PITPNM3: variants seen among roughly 807,000 people sequenced by gnomAD.
PITPNM3 encodes PITPNM family member 3, also known as membrane-associated phosphatidylinositol transfer protein 3.
In PITPNM3, 26 loss-of-function variants were observed where a neutral mutation model predicts 102.0. That is an observed-to-expected ratio of 0.25 (90% CI 0.19 to 0.35). PITPNM3 has a LOEUF of 0.35. Ranked by LOEUF, PITPNM3 falls within the 10% of genes least tolerant of loss-of-function variation. The probability of loss-of-function intolerance (pLI) is 1.00; values close to 1 mark genes in which losing one functional copy is unlikely to be tolerated. For synonymous variants in PITPNM3, 578 were observed against 558.6 expected (o/e 1.03, Z -0.49); for missense variants, 1,083 against 1,346.1 (o/e 0.80, Z 3.06).
rs186668562 is a variant in PITPNM3 at position 6,528,965 on chromosome 17, G to A, written c.119-3502C>T. 7.2e-5 allele frequency among the ~76,000 whole-genome samples: 11 copies of A among 152,282 alleles called. No individual in the cohort carries two copies. In the East Asian group the frequency reaches 1.2e-3, roughly 16 times the overall value. The stretch of plus-strand genomic sequence containing the variant: ...CAACAGGACCTGTGGAGGCCACAGC[G>A]TGCTCATTTGTATAAACGCCCTGGT... On this transcript the variant is annotated intron_variant, in intron 2 of 19. Coordinates refer to ENST00000262483, the MANE Select transcript of PITPNM3 (RefSeq NM_031220.4).
At chr17:6,547,713 G>A (rs1231130798) in intron 1 of PITPNM3, among the ~76,000 whole-genome samples, 3 of 151,990 alleles carry the variant, frequency 2.0e-5, no homozygotes, top group East Asian at 1.9e-4. Context: ...CTCAAAGGAC[G>A]CTGGGGTCTC....
At chr17:6,487,332 G>A (rs960916159) in intron 4 of PITPNM3, among the ~76,000 whole-genome samples, 4 of 152,156 alleles carry the variant, frequency 2.6e-5, no homozygotes, top group Admixed American at 1.3e-4. Context: ...TATGCATAAA[G>A]GGCTTAGAGC....
chr17:6,471,790 C>G (rs1376712324), intron 11 of PITPNM3, among the ~76,000 whole-genome samples: 1 of 152,122 alleles, frequency 6.6e-6, no homozygotes, highest in Non-Finnish European at 1.5e-5. Context: ...GGGACTCCAG[C>G]CTGAGAGCTA....
chr17:6,458,973 A>G lies in PITPNM3; in HGVS notation c.2491-1251T>C, dbSNP rs1014402423. On this transcript the variant is annotated intron_variant, in intron 18 of 19. Coordinates refer to ENST00000262483, the MANE Select transcript of PITPNM3 (RefSeq NM_031220.4). This position sits in a 1 kb window ranked among gnomAD's most constrained non-coding sequence, Gnocchi z 5.1. ...AGGTGACTGCCTTCGATGCTGGACC[A>G]AGGAGAGGGCTTCCTCAGCCCACTG... is the stretch of plus-strand genomic sequence containing the variant. Among the ~76,000 whole-genome samples the G allele has an allele frequency of 6.6e-5, 10 of 151,974 alleles. No homozygotes were observed. The highest frequency in any genetic ancestry group is 2.2e-4 in the African/African-American group (9 of 41,368).
rs567991803 is a variant in PITPNM3, at chr17:6,527,647, T to C, written c.119-2184A>G. On this transcript the variant is annotated intron_variant, in intron 2 of 19. Coordinates refer to ENST00000262483, the MANE Select transcript of PITPNM3 (RefSeq NM_031220.4). ...TGAGTTCTTTGTCTCCTGGTTCAGT[T>C]ACTCAAGCATGGAGCTATCCATTTG... is the stretch of plus-strand genomic sequence containing the variant. Among the ~76,000 whole-genome samples, 4 of 152,346 alleles carry C rather than the reference T, an allele frequency of 2.6e-5. No homozygotes were observed. The East Asian group carries it at 7.7e-4, about 29-fold the overall frequency.
chr17:6,460,674 TA>T (rs1904395222), intron 18 of PITPNM3: 1 of 152,612 alleles, frequency 6.6e-6, no homozygotes, highest in African/African-American at 2.4e-5. Context: ...TTTGAAAGTG[TA>T]AAAACCATTC....
chr17:6,482,615 T>C (rs984937634), intron 6 of PITPNM3, among the ~76,000 whole-genome samples: 2 of 152,092 alleles, frequency 1.3e-5, no homozygotes, highest in African/African-American at 4.8e-5. Flanking sequence ...TGGGGCATGG[T>C]ATCGGTGTCA....
intron 6 of PITPNM3, among the ~76,000 whole-genome samples, chr17:6,482,721 C>G (rs1242792537): frequency 6.6e-6 from 1 of 152,176 alleles, no homozygotes; most frequent in Non-Finnish European, 1.5e-5. Context: ...GGAGGGCACC[C>G]AGCTGGTGTC....
chr17:6,499,509 A>G (rs1024978800), intron 4 of PITPNM3, among the ~76,000 whole-genome samples: 1 of 152,168 alleles, frequency 6.6e-6, no homozygotes, highest in Admixed American at 6.5e-5. Flanking sequence ...AGAGCGCCAG[A>G]AAGACTGAGC....
rs570093695 is a variant in PITPNM3, at chr17:6,502,655, G to A, written c.274+872C>T. 3.3e-5 allele frequency among the ~76,000 whole-genome samples: 5 copies of A among 152,260 alleles called. No individual in the cohort carries two copies. In the East Asian group the frequency reaches 9.7e-4, roughly 29 times the overall value. ...AGAGTGGACTGGGTCCCCCAAAGCT[G>A]CAACCATAGATCAAAGGAGCAGGAG... On this transcript the variant is annotated intron_variant, in intron 4 of 19. Transcript: ENST00000262483.
At position 6,459,349 on chromosome 17, in the gene PITPNM3, C is replaced by A. The variant is rs548450574; in HGVS notation, c.2491-1627G>T. Among the ~76,000 whole-genome samples, 2 of 152,186 alleles carry A rather than the reference C, an allele frequency of 1.3e-5. No individual in the cohort carries two copies. The highest frequency in any genetic ancestry group is 3.9e-4 in the East Asian group (2 of 5,170). On this transcript the variant is annotated intron_variant, in intron 18 of 19. Transcript: ENST00000262483. This position sits in a 1 kb window ranked among gnomAD's most constrained non-coding sequence, Gnocchi z 5.0. ...CCTCTCCTCCCGATACCTGGAGTCT[C>A]GTCTCTCTCTCCTGGTCCTCCTCCC...
In PITPNM3 at chr17:6,532,731, G is replaced by C. The variant is rs943105042; in HGVS notation, c.118+5256C>G. ...ACTGATGCTCATTTGGGCGTTTTCA[G>C]TGTGGGGCTATAATCCATCAAGCTG... On this transcript the variant is annotated intron_variant, in intron 2 of 19. Transcript: ENST00000262483. Among the ~76,000 whole-genome samples, 5 of 152,192 alleles carry C rather than the reference G, an allele frequency of 3.3e-5. No individual in the cohort carries two copies. The South Asian group carries it at 1.0e-3, about 32-fold the overall frequency.
chr17:6,477,435 G>A (rs1173177123), intron 8 of PITPNM3, among the ~76,000 whole-genome samples: 3 of 152,216 alleles, frequency 2.0e-5, no homozygotes, highest in Admixed American at 6.5e-5. Flanking sequence ...CTGGGATGCT[G>A]GATGGCTGTC....
chr17:6,519,059 C>T (rs368051562), intron 3 of PITPNM3, among the ~76,000 whole-genome samples: 1 of 151,998 alleles, frequency 6.6e-6, no homozygotes, highest in East Asian at 1.9e-4. Context: ...ATTTGTAGGC[C>T]GGGCATGGTG....
rs769088740 is a variant in PITPNM3 at position 6,455,378 on chromosome 17, C to T, written c.2885G>A (p.Ser962Asn). ...GAACTTGGGGGGCCCACGCGCCCAG[C>T]TGAGCGCCGGCAGCGGCCGCTCGTG... is the stretch of plus-strand genomic sequence containing the variant. Reference protein sequence around the residue: ...KDHERPLPALSWARGPPKFES... With the variant: ...KDHERPLPALNWARGPPKFES... The change falls in exon 20 of 20, where the codon AGC becomes AAC. Residue 962 changes from serine to asparagine, a missense_variant. Around this residue, in one of 5 missense-constraint regions of PITPNM3, gnomAD observed 208 missense variants for 178.2 expected, o/e 1.17. Coordinates refer to ENST00000262483, the MANE Select transcript of PITPNM3 (RefSeq NM_031220.4). 49 of 1,590,858 alleles carry T rather than the reference C, an allele frequency of 3.1e-5. No homozygotes were observed. Among genetic ancestry groups the T allele is most frequent in the Non-Finnish European group, 4.1e-5 (48 of 1,170,074 alleles).
chr17:6,516,918 A>G (rs1908223748), intron 3 of PITPNM3, among the ~76,000 whole-genome samples: 1 of 152,216 alleles, frequency 6.6e-6, no homozygotes, highest in Non-Finnish European at 1.5e-5. Context: ...CTTCAGGAAG[A>G]GTAAAAACCA....
intron 6 of PITPNM3, chr17:6,480,513 G>A (rs1366417080): frequency 6.6e-6 from 1 of 152,326 alleles, no homozygotes; most frequent in Non-Finnish European, 1.5e-5. Flanking sequence ...CCACACACCT[G>A]GCACCCTGCT....
intron 2 of PITPNM3, among the ~76,000 whole-genome samples, chr17:6,527,198 T>A (rs769847635): frequency 1.2e-4 from 18 of 152,200 alleles, no homozygotes; most frequent in Non-Finnish European, 2.5e-4. Context: ...CAAGTCAAGG[T>A]GCTGTAAACA....
In PITPNM3 at chr17:6,478,774, C is replaced by G; in HGVS notation, c.588-38G>C. 6.5e-7 allele frequency: 1 copy of G among 1,528,786 alleles called. No individual in the cohort carries two copies. Among genetic ancestry groups the G allele is most frequent in the Non-Finnish European group, 8.8e-7 (1 of 1,138,250 alleles). The allele number at this position is 1,528,786 out of a possible 1,614,324, so 94.7% of individuals were successfully genotyped here. On this transcript the variant is annotated intron_variant, in intron 6 of 19. Transcript: ENST00000262483. The surrounding 1 kb of genome is among the most constrained non-coding windows in gnomAD (Gnocchi z 4.4). Reference sequence around the variant, plus strand: ...GGCCCAAGGTGAGCCCAGCCAGGATCGGGCAGGTTGGCAGGTTTGGGGCTG... The same window carrying G: ...GGCCCAAGGTGAGCCCAGCCAGGATGGGGCAGGTTGGCAGGTTTGGGGCTG...
Sources: gnomAD v4.1 joint callset for allele counts (sites outside exome capture counted in the v4.1 genomes callset) on GRCh38, gnomAD v4.1.1 for gene constraint, gnomAD v4.1.1 regional missense constraint, Gnocchi (gnomAD v3.1) non-coding constraint, MANE v1.5 for transcripts, NCBI Gene and HGNC (gene_info 2026-07-23, HGNC 2026-07-21) for gene names.